RAB3GAP2: variants seen among roughly 807,000 people sequenced by gnomAD.
The protein encoded by RAB3GAP2 is rab3 GTPase-activating protein non-catalytic subunit.
Under a neutral mutation model 185.3 loss-of-function variants are expected in RAB3GAP2, and 87 were observed. The ratio of observed to expected loss-of-function variants is 0.47; its 90% confidence interval spans 0.39 to 0.56. The LOEUF is 0.56. RAB3GAP2 is among the 20% of genes least tolerant of loss of function. The pLI is 0.00. For missense variants in RAB3GAP2, 1,492 were observed against 1,638.2 expected (o/e 0.91, Z 1.54); for synonymous variants, 554 against 576.1 (o/e 0.96, Z 0.55).
At chr1:220,268,669 A>G (rs1381439356) in intron 1 of RAB3GAP2, among the ~76,000 whole-genome samples, 1 of 152,240 alleles carries the variant, frequency 6.6e-6, no homozygotes, top group African/African-American at 2.4e-5. Context: ...TTCATTTTCT[A>G]CATGAACTGA....
intron 18 of RAB3GAP2, among the ~76,000 whole-genome samples, chr1:220,184,406 A>G (rs1658472218): frequency 6.6e-6 from 1 of 152,164 alleles, no homozygotes; most frequent in African/African-American, 2.4e-5. Context: ...GGAAGCGGAA[A>G]TATCTTCATC....
chr1:220,262,133 CAAAAAAAA>C (rs554304525), intron 1 of RAB3GAP2, among the ~76,000 whole-genome samples: 1 of 112,336 alleles, frequency 8.9e-6, no homozygotes, highest in Non-Finnish European at 2.0e-5. Context: ...ACTAAAAATA[CAAAAAAAA>C]AAAAAAAAAA....
intron 1 of RAB3GAP2, among the ~76,000 whole-genome samples, chr1:220,261,121 T>G (rs568897709): frequency 2.0e-5 from 3 of 152,174 alleles, no homozygotes; most frequent in African/African-American, 7.2e-5. Flanking sequence ...CTTGACCTGA[T>G]GAGATTCTCT....
At chr1:220,265,590 G>T (rs772856051) in intron 1 of RAB3GAP2, among the ~76,000 whole-genome samples, 20 of 151,968 alleles carry the variant, frequency 1.3e-4, no homozygotes, top group Non-Finnish European at 4.4e-5. Flanking sequence ...GTTAAATGGG[G>T]ACCCATAAAG....
At chr1:220,159,877 C>T (rs956048874) in intron 28 of RAB3GAP2, among the ~76,000 whole-genome samples, 22 of 151,864 alleles carry the variant, frequency 1.4e-4, no homozygotes, top group Non-Finnish European at 2.5e-4. Context: ...ATTAGCTGGG[C>T]GTGGTGGCAT....
rs771959968 is a variant in RAB3GAP2, at chr1:220,232,822, C to T, written c.157G>A (p.Glu53Lys). The T allele has an allele frequency of 1.2e-5, 20 of 1,613,708 alleles. No individual in the cohort carries two copies. The African/African-American group carries it at 2.1e-4, about 17-fold the overall frequency. ...ACAGGTTCTTGTGGTTCATTTTCTT[C>T]CCATGCTCCCCAACCATCATCTTCC... The part of the protein sequence containing the change: ...DWEDDGWGAW[E>K]ENEPQEPEEE... Residue 53 changes from glutamate (E) to lysine (K), a missense_variant, in exon 2 of 35, where the codon GAA becomes AAA. By Grantham distance (56) the Glu-to-Lys change is moderately conservative. Transcript: ENST00000358951.
rs1558137542 is a variant in RAB3GAP2 at position 220,153,918 on chromosome 1, ATG to A, written c.3645+48_3645+49del. On this transcript the variant is annotated intron_variant, in intron 32 of 34. Transcript: ENST00000358951. ...CAAAAGCCAGCTAGATTTTTCCCTT[ATG>A]TTTTTTTTTCCAAGAAACAAAAACA... 4 of 1,605,662 alleles carry A rather than the reference ATG, an allele frequency of 2.5e-6. No homozygotes were observed. In the South Asian group the frequency reaches 4.5e-5, roughly 18 times the overall value.
intron 1 of RAB3GAP2, among the ~76,000 whole-genome samples, chr1:220,263,080 G>A (rs1660170754): frequency 6.6e-6 from 1 of 151,268 alleles, no homozygotes. Flanking sequence ...GTTCTTTTTG[G>A]TCATCTGTAT....
At position 220,196,233 on chromosome 1, in the gene RAB3GAP2, A is replaced by G. The variant is rs1270799556; in HGVS notation, c.960+17T>C. Reference sequence around the variant, plus strand: ...ATCAAGAGCAGCCTTACTCATGATCATTGATAAAACTCATACCTCTAAAGC... The same window carrying G: ...ATCAAGAGCAGCCTTACTCATGATCGTTGATAAAACTCATACCTCTAAAGC... On this transcript the variant is annotated intron_variant, in intron 10 of 34. Coordinates refer to ENST00000358951, the MANE Select transcript of RAB3GAP2 (RefSeq NM_012414.4). The G allele has an allele frequency of 3.7e-6, 6 of 1,610,752 alleles. No individual in the cohort carries two copies. The highest frequency in any genetic ancestry group is 5.1e-6 in the Non-Finnish European group (6 of 1,177,070).
intron 2 of RAB3GAP2, among the ~76,000 whole-genome samples, chr1:220,232,066 T>C (rs1254210233): frequency 6.6e-6 from 1 of 152,254 alleles, no homozygotes; most frequent in Non-Finnish European, 1.5e-5. Flanking sequence ...GAACTTTGTC[T>C]GCCTTGTTCC....
chr1:220,162,923 T>C (rs372793802), intron 27 of RAB3GAP2, among the ~76,000 whole-genome samples: 273 of 151,738 alleles, frequency 1.8e-3, no homozygotes, highest in African/African-American at 6.3e-3. Flanking sequence ...ACAAAATATA[T>C]AAAAAACAAA....
chr1:220,237,958 C>T (rs941814674), intron 1 of RAB3GAP2, among the ~76,000 whole-genome samples: 1 of 151,106 alleles, frequency 6.6e-6, no homozygotes, highest in African/African-American at 2.4e-5. Flanking sequence ...AATATTGTTT[C>T]AATGCATAAT....
chr1:220,159,385 C>T lies in RAB3GAP2; in HGVS notation c.3261+1G>A. On this transcript the variant is annotated splice_donor_variant, in intron 29 of 34. Transcript: ENST00000358951. LOFTEE classifies it high-confidence loss of function. ...ATTCTAGCTATGGGAGATTCACTTA[C>T]CCTTCGGCATAACCTATCTTTTGGT... 6.2e-7 allele frequency: 1 copy of T among 1,603,888 alleles called. No individual in the cohort carries two copies. The highest frequency in any genetic ancestry group is 1.1e-5 in the South Asian group (1 of 90,652).
At chr1:220,172,431 A>G (rs1658196047) in intron 22 of RAB3GAP2, among the ~76,000 whole-genome samples, 1 of 152,192 alleles carries the variant, frequency 6.6e-6, no homozygotes. Flanking sequence ...TTATTTTTTT[A>G]TGATGATACA....
chr1:220,183,817 G>A (rs980493011), intron 19 of RAB3GAP2, among the ~76,000 whole-genome samples: 13 of 151,944 alleles, frequency 8.6e-5, no homozygotes, highest in Admixed American at 6.6e-4. Flanking sequence ...AACATATCAT[G>A]GCTGGGCATA....
rs748942795 is a variant in RAB3GAP2 at position 220,210,402 on chromosome 1, C to T, written c.598G>A (p.Gly200Ser). Residue 200 changes from glycine (G) to serine (S), a missense_variant, in exon 7 of 35, where the codon GGC becomes AGC. Around this residue, in one of 5 missense-constraint regions of RAB3GAP2, gnomAD observed 243 missense variants for 314.8 expected, o/e 0.77. Coordinates refer to ENST00000358951, the MANE Select transcript of RAB3GAP2 (RefSeq NM_012414.4). ...CRTYEIPRHP[G>S]VTEQNEELSI... ...TTTTACACTACCTGCTCAGTCACGCCGGGATGTCGTGGTATTTCATAGGTT... is the reference window on the plus strand; with the variant it reads ...TTTTACACTACCTGCTCAGTCACGCTGGGATGTCGTGGTATTTCATAGGTT... The T allele has an allele frequency of 2.0e-5, 33 of 1,613,710 alleles. No homozygotes were observed. In the East Asian group the frequency reaches 6.5e-4, roughly 32 times the overall value.
chr1:220,214,282 T>A (rs1310569937), intron 2 of RAB3GAP2, among the ~76,000 whole-genome samples: 1 of 152,152 alleles, frequency 6.6e-6, no homozygotes, highest in Non-Finnish European at 1.5e-5. Flanking sequence ...ACACCTGTAA[T>A]CCCAGCACTT....
chr1:220,272,050 G>C (rs1255700257), intron 1 of RAB3GAP2, among the ~76,000 whole-genome samples, 173 bp downstream of exon 1: 1 of 151,792 alleles, frequency 6.6e-6, no homozygotes, highest in Non-Finnish European at 1.5e-5. Flanking sequence ...AACACAAATG[G>C]GGCTTCAGGA....
intron 2 of RAB3GAP2, among the ~76,000 whole-genome samples, chr1:220,217,902 G>A (rs141709239): frequency 1.9e-4 from 29 of 152,192 alleles, no homozygotes; most frequent in African/African-American, 7.0e-4. Context: ...CCTAAAACTC[G>A]GTGTCAGATT....
Sources: gnomAD v4.1 joint callset for allele counts (sites outside exome capture counted in the v4.1 genomes callset) on GRCh38, gnomAD v4.1.1 for gene constraint, gnomAD v4.1.1 regional missense constraint, MANE v1.5 for transcripts, NCBI Gene and HGNC (gene_info 2026-07-23, HGNC 2026-07-21) for gene names.